WDFY4: variants seen among roughly 807,000 people sequenced by gnomAD.
WDFY4 encodes WDFY family member 4.
Under a neutral mutation model 351.9 loss-of-function variants are expected in WDFY4, and 169 were observed. The observed-to-expected ratio is 0.48, with a 90% CI of 0.42 to 0.55. WDFY4 has a LOEUF of 0.55. Among genes scored for constraint, WDFY4 ranks in the 20% least tolerant of loss-of-function variants. The probability of loss-of-function intolerance (pLI) is 0.00; values close to 1 mark genes in which losing one functional copy is unlikely to be tolerated. For missense variants in WDFY4, 3,803 were observed against 3,935.6 expected, an observed-to-expected ratio of 0.97 and a Z score of 0.90; for synonymous variants, 1,622 against 1,574.6, an observed-to-expected ratio of 1.03 and a Z score of -0.71.
intron 9 of WDFY4, 111 bp downstream of exon 9, chr10:48,731,673 T>A: frequency 8.0e-7 from 1 of 1,256,716 alleles, no homozygotes; most frequent in Non-Finnish European, 1.1e-6. Context: ...CATGCCCATG[T>A]CACTGGGAAG....
At chr10:48,834,378 C>G (rs2068305420) in intron 39 of WDFY4, among the ~76,000 whole-genome samples, 1 of 152,218 alleles carries the variant, frequency 6.6e-6, no homozygotes, top group Non-Finnish European at 1.5e-5. Context: ...TATGGAACCT[C>G]TCAGAGCTTT....
intron 27 of WDFY4, among the ~76,000 whole-genome samples, chr10:48,806,997 T>G (rs1409265926): frequency 6.6e-6 from 1 of 152,166 alleles, no homozygotes; most frequent in Non-Finnish European, 1.5e-5. Context: ...GTATTATCTC[T>G]TATCCTTAGA....
chr10:48,901,296 A>T (rs540897199), intron 46 of WDFY4, among the ~76,000 whole-genome samples: 3 of 152,364 alleles, frequency 2.0e-5, no homozygotes, highest in African/African-American at 7.2e-5. Context: ...CATACAACCC[A>T]TTAAACTTGA....
At chr10:48,978,181 G>T in intron 59 of WDFY4, 128 bp from the exon 60 acceptor site, 1 of 874,576 alleles carries the variant, frequency 1.1e-6, no homozygotes. Context: ...AACATCAGAA[G>T]TGAAAGGGGG....
At chr10:48,784,511 T>G (rs1255255871) in intron 19 of WDFY4, among the ~76,000 whole-genome samples, 2 of 150,160 alleles carry the variant, frequency 1.3e-5, no homozygotes. Context: ...TTTTGCCCAT[T>G]TTCTAATTGC....
In WDFY4 at chr10:48,913,024, G is replaced by A. The variant is rs928224070; in HGVS notation, c.7586+11161G>A. Among the ~76,000 whole-genome samples the A allele has an allele frequency of 4.6e-5, 7 of 152,298 alleles. No individual in the cohort carries two copies. In the South Asian group the frequency reaches 1.0e-3, roughly 23 times the overall value. On this transcript the variant is annotated intron_variant, in intron 47 of 61. Transcript: ENST00000325239. ...TTAAATAACTTCACATTTGGGATCTGGCAGTGGGCTCTGAAATGCCAGTGA... is the reference window on the plus strand; with the variant it reads ...TTAAATAACTTCACATTTGGGATCTAGCAGTGGGCTCTGAAATGCCAGTGA...
At chr10:48,913,119 AG>A (rs1157388859) in intron 47 of WDFY4, among the ~76,000 whole-genome samples, 5 of 152,346 alleles carry the variant, frequency 3.3e-5, no homozygotes, top group Admixed American at 3.3e-4. Context: ...GGGCAAGAGT[AG>A]GATGGACATG....
At chr10:48,914,838 A>G (rs868002720) in intron 47 of WDFY4, among the ~76,000 whole-genome samples, 1 of 152,220 alleles carries the variant, frequency 6.6e-6, no homozygotes, top group Non-Finnish European at 1.5e-5. Context: ...TGGGCCCAGC[A>G]GCACCATAAC....
chr10:48,788,172 C>A (rs1428003234), intron 20 of WDFY4, among the ~76,000 whole-genome samples: 1 of 151,816 alleles, frequency 6.6e-6, no homozygotes, highest in African/African-American at 2.4e-5. Flanking sequence ...GGACTACAGG[C>A]ATGCGCCACC....
intron 51 of WDFY4, among the ~76,000 whole-genome samples, chr10:48,949,721 C>A (rs1241698550): frequency 6.6e-6 from 1 of 152,182 alleles, no homozygotes; most frequent in African/African-American, 2.4e-5. Context: ...GGAGAGCACA[C>A]GTCTCCATTC....
At chr10:48,717,214 T>C (rs2063938128) in intron 2 of WDFY4, among the ~76,000 whole-genome samples, 1 of 152,344 alleles carries the variant, frequency 6.6e-6, no homozygotes, top group Non-Finnish European at 1.5e-5. Flanking sequence ...CATTTAGTCA[T>C]TGTTACTGTG....
chr10:48,736,204 C>T (rs4838645), intron 11 of WDFY4, 134 bp downstream of exon 11: 454,400 of 989,856 alleles, frequency 0.46, 106,255 homozygotes, highest in Middle Eastern at 0.56. Flanking sequence ...TATTAGGTAG[C>T]GTCAGGTGCT....
intron 1 of WDFY4, among the ~76,000 whole-genome samples, chr10:48,696,108 G>A (rs1310262157): frequency 1.3e-5 from 2 of 152,214 alleles, no homozygotes; most frequent in African/African-American, 4.8e-5. Flanking sequence ...CTCCTCGTGA[G>A]TCCTTTGAAG....
chr10:48,923,496 G>GATATATATATATATATATATATATATA (rs1839279164), intron 47 of WDFY4, among the ~76,000 whole-genome samples: 1 of 63,214 alleles, frequency 1.6e-5, no homozygotes, highest in African/African-American at 3.5e-5. Flanking sequence ...ATAGTTTTTA[G>GATATATATATATATATATATATATATA]TATATATATA....
At chr10:48,718,717 G>T (rs1299046291) in intron 2 of WDFY4, among the ~76,000 whole-genome samples, 3 of 152,206 alleles carry the variant, frequency 2.0e-5, no homozygotes, top group Non-Finnish European at 4.4e-5. Flanking sequence ...GCACGACTAG[G>T]AAACTTAGTC....
At chr10:48,803,673 C>T (rs7897925) in intron 25 of WDFY4, among the ~76,000 whole-genome samples, 6,744 of 152,208 alleles carry the variant, frequency 0.044, 517 homozygotes, top group African/African-American at 0.15. Context: ...TGGAATTAGT[C>T]AGGGCTCTTT....
chr10:48,709,904 ACT>A lies in WDFY4; in HGVS notation c.174_175del (p.His59GlnfsTer5). On this transcript the variant is annotated frameshift_variant, in exon 2 of 62. Coordinates refer to ENST00000325239, the MANE Select transcript of WDFY4 (RefSeq NM_001394531.1). LOFTEE classifies it high-confidence loss of function. ...GAAGTTTCTGGAATACCAGCAGTTGACTCACAAGAGCCCCATTGAGCGTCAGA... is the reference window on the plus strand; with the variant it reads ...GAAGTTTCTGGAATACCAGCAGTTGACACAAGAGCCCCATTGAGCGTCAGA... ...ERKFLEYQQL[T>X]HKSPIERQKS... 1 of 1,552,120 alleles carries A rather than the reference ACT, an allele frequency of 6.4e-7. No individual in the cohort carries two copies.
rs570239645 is a variant in WDFY4 at position 48,833,320 on chromosome 10, G to T, written c.6663+611G>T. On this transcript the variant is annotated intron_variant, in intron 39 of 61. Coordinates refer to ENST00000325239, the MANE Select transcript of WDFY4 (RefSeq NM_001394531.1). Reference sequence around the variant, plus strand: ...AGGCTGAGTTACTCATATATCTGGTGGTTGGTGCTGGCTTTAGTCTGAGAC... The same window carrying T: ...AGGCTGAGTTACTCATATATCTGGTTGTTGGTGCTGGCTTTAGTCTGAGAC... Among the ~76,000 whole-genome samples the T allele has an allele frequency of 2.4e-4, 37 of 152,226 alleles. 2 individuals are homozygous for T. The South Asian group carries it at 7.5e-3, about 31-fold the overall frequency.
At chr10:48,753,156 G>A (rs896960819) in intron 12 of WDFY4, among the ~76,000 whole-genome samples, 5 of 152,012 alleles carry the variant, frequency 3.3e-5, no homozygotes, top group Admixed American at 2.6e-4. Flanking sequence ...TTGGCCATTT[G>A]TATATCTTTT....
Sources: gnomAD v4.1 joint callset for allele counts (sites outside exome capture counted in the v4.1 genomes callset) on GRCh38, gnomAD v4.1.1 for gene constraint, MANE v1.5 for transcripts, NCBI Gene and HGNC (gene_info 2026-07-23, HGNC 2026-07-21) for gene names.